Variants in ATP2B2 observed in about 807,000 individuals in gnomAD.
ATP2B2 encodes ATPase plasma membrane Ca2+ transporting 2, also known as plasma membrane calcium-transporting ATPase 2.
A neutral mutation model predicts 120.0 loss-of-function variants in ATP2B2; 15 were observed. The observed-to-expected ratio is 0.12, with a 90% CI of 0.08 to 0.19. The LOEUF (loss-of-function observed/expected upper bound fraction) is 0.19, where lower values mean the gene tolerates loss of function less well. ATP2B2 is among the 10% of genes least tolerant of loss of function. ATP2B2 has a pLI of 1.00. For missense variants in ATP2B2, 1,045 were observed against 1,719.8 expected, an observed-to-expected ratio of 0.61 and a Z score of 6.94; for synonymous variants, 694 against 700.3, an observed-to-expected ratio of 0.99 and a Z score of 0.14.
At chr3:10,547,659 G>A (rs1280671446) in intron 2 of ATP2B2, among the ~76,000 whole-genome samples, 1 of 152,176 alleles carries the variant, frequency 6.6e-6, no homozygotes, top group Admixed American at 6.5e-5. Context: ...CAGCTGGTCC[G>A]TGTCAGGGAA....
chr3:10,704,793 G>T (rs1327565406), intron 1 of ATP2B2, among the ~76,000 whole-genome samples: 1 of 152,180 alleles, frequency 6.6e-6, no homozygotes, highest in Non-Finnish European at 1.5e-5. Context: ...CATTACTAAA[G>T]AAATGCAGTT....
rs1424592818 is a variant in ATP2B2, at chr3:10,343,871, C to G, written c.2704-906G>C. 6.6e-6 allele frequency among the ~76,000 whole-genome samples: 1 copy of G among 152,168 alleles called. No individual in the cohort carries two copies. Among genetic ancestry groups the G allele is most frequent in the African/African-American group, 2.4e-5 (1 of 41,432 alleles). On this transcript the variant is annotated intron_variant, in intron 18 of 22. Transcript: ENST00000360273. The surrounding 1 kb of genome is among the most constrained non-coding windows in gnomAD (Gnocchi z 4.2). ...TCTGTGTTCCTGCCTCAGCCCCATT[C>G]TCCTCCTCGTCCTGTGGCTTTAGTT...
rs565859398 is a variant in ATP2B2, at chr3:10,684,460, T to C, written c.-460+23455A>G. 8.5e-5 allele frequency among the ~76,000 whole-genome samples: 13 copies of C among 152,342 alleles called. No individual in the cohort carries two copies. In the East Asian group the frequency reaches 2.5e-3, roughly 29 times the overall value. ...GAACCAATCCCTTTCTTGCTTAAAC[T>C]AGTTTGTGCTGCGATCTGGTCACCA... is the stretch of plus-strand genomic sequence containing the variant. On this transcript the variant is annotated intron_variant, in intron 1 of 21. Transcript: ENST00000646379.
In ATP2B2 at chr3:10,517,941, C is replaced by T. The variant is rs147276792; in HGVS notation, c.-320+16098G>A. On this transcript the variant is annotated intron_variant, in intron 3 of 21. Transcript: ENST00000646379. ...AGTGTGGGAAATGGCAGTAGACAGA[C>T]GGGGGATTGGGCAGCCTGTGCAGGT... 6.2e-4 allele frequency among the ~76,000 whole-genome samples: 92 copies of T among 147,530 alleles called. No homozygotes were observed. The East Asian group carries it at 0.015, about 23-fold the overall frequency.
intron 1 of ATP2B2, among the ~76,000 whole-genome samples, chr3:10,504,803 A>C (rs111865246): frequency 1.3e-4 from 19 of 151,122 alleles, no homozygotes; most frequent in African/African-American, 4.6e-4. Context: ...GAGGGTGCCG[A>C]CTCCACCACC....
chr3:10,578,987 T>C (rs554035935), intron 2 of ATP2B2, among the ~76,000 whole-genome samples: 4 of 152,302 alleles, frequency 2.6e-5, no homozygotes, highest in Non-Finnish European at 5.9e-5. Context: ...GTATTGGTCA[T>C]GCATGTAGAA....
intron 1 of ATP2B2, among the ~76,000 whole-genome samples, chr3:10,483,619 G>C (rs944367103): frequency 5.3e-5 from 8 of 152,164 alleles, no homozygotes. Flanking sequence ...CTTAATTCTA[G>C]GATCTCAGCT....
chr3:10,494,798 C>T (rs1392358024), intron 1 of ATP2B2, among the ~76,000 whole-genome samples: 4 of 152,176 alleles, frequency 2.6e-5, no homozygotes, highest in Admixed American at 6.5e-5. Context: ...TCACCACCCT[C>T]GGCATTGGGT....
At chr3:10,427,087 G>T (rs1394679808) in intron 2 of ATP2B2, among the ~76,000 whole-genome samples, 1 of 152,152 alleles carries the variant, frequency 6.6e-6, no homozygotes, top group Non-Finnish European at 1.5e-5. Context: ...CCAACCCAAG[G>T]CCGCACATCT....
At chr3:10,663,315 A>C (rs542806048) in intron 1 of ATP2B2, among the ~76,000 whole-genome samples, 1 of 152,276 alleles carries the variant, frequency 6.6e-6, no homozygotes, top group Admixed American at 6.5e-5. Flanking sequence ...ACACAGTTAC[A>C]CTTCCTGCTG....
At chr3:10,461,646 C>T (rs947726621) in intron 1 of ATP2B2, among the ~76,000 whole-genome samples, 6 of 152,122 alleles carry the variant, frequency 3.9e-5, no homozygotes, top group Non-Finnish European at 5.9e-5. Context: ...GATGAATGAG[C>T]GGATGGTGGG....
chr3:10,663,871 C>T (rs897501354), intron 1 of ATP2B2, among the ~76,000 whole-genome samples: 2 of 152,116 alleles, frequency 1.3e-5, no homozygotes, highest in East Asian at 1.9e-4. Flanking sequence ...TTGGACTCTT[C>T]GAAGACAGGG....
upstream of ATP2B2, among the ~76,000 whole-genome samples, chr3:10,508,640 C>T (rs957002712): frequency 3.3e-5 from 5 of 152,246 alleles, no homozygotes; most frequent in African/African-American, 7.2e-5. Flanking sequence ...CTGTCCCTTG[C>T]CCCGTCCCCT....
intron 10 of ATP2B2, among the ~76,000 whole-genome samples, chr3:10,376,600 G>T (rs549773138): frequency 4.6e-5 from 7 of 152,202 alleles, no homozygotes; most frequent in Non-Finnish European, 1.0e-4. Context: ...AGGTGCTACT[G>T]CAGGTGCTGC....
At chr3:10,573,668 G>A (rs1041273548) in intron 2 of ATP2B2, among the ~76,000 whole-genome samples, 1 of 152,142 alleles carries the variant, frequency 6.6e-6, no homozygotes, top group Non-Finnish European at 1.5e-5. Context: ...AACTGGCTGG[G>A]GTAGAAATAG....
chr3:10,366,544 G>A (rs770868605), intron 12 of ATP2B2, among the ~76,000 whole-genome samples: 1 of 152,150 alleles, frequency 6.6e-6, no homozygotes, highest in African/African-American at 2.4e-5. Context: ...GTTCAGCTCC[G>A]CAAGTGCCCA....
chr3:10,478,624 G>A (rs541734597), intron 1 of ATP2B2, among the ~76,000 whole-genome samples: 40 of 152,280 alleles, frequency 2.6e-4, no homozygotes, highest in Non-Finnish European at 5.3e-4. Context: ...TCTCCAGGTG[G>A]TCAGCATAGA....
intron 1 of ATP2B2, among the ~76,000 whole-genome samples, chr3:10,475,256 G>A (rs1190262669): frequency 6.6e-6 from 1 of 152,250 alleles, no homozygotes; most frequent in Non-Finnish European, 1.5e-5. Context: ...CTCATGACAA[G>A]AGACTTTATT....
intron 2 of ATP2B2, among the ~76,000 whole-genome samples, chr3:10,596,936 C>A (rs114833047): frequency 6.6e-6 from 1 of 152,208 alleles, no homozygotes; most frequent in African/African-American, 2.4e-5. Context: ...AACCAGGGCA[C>A]GTGGCACACC....
Sources: allele counts gnomAD v4.1 joint callset (sites outside exome capture counted in the v4.1 genomes callset), GRCh38; gene constraint gnomAD v4.1.1; non-coding constraint Gnocchi (gnomAD v3.1); transcripts MANE v1.5; gene names NCBI Gene and HGNC (gene_info 2026-07-23, HGNC 2026-07-21).